The following NME7 variants were observed in gnomAD, a reference collection of about 807,000 sequenced individuals.
NME7 encodes NME/NM23 family member 7, also known as nucleoside diphosphate kinase 7.
A neutral mutation model predicts 49.1 loss-of-function variants in NME7; 41 were observed. The observed-to-expected ratio is 0.83, with a 90% CI of 0.65 to 1.08. NME7 has a LOEUF of 1.08. Ranked by LOEUF, NME7 falls within the 50% of genes least tolerant of loss-of-function variation. NME7 has a pLI of 0.00. For synonymous variants in NME7, 139 were observed against 150.6 expected, an observed-to-expected ratio of 0.92 and a Z score of 0.56; for missense variants, 423 against 463.4, an observed-to-expected ratio of 0.91 and a Z score of 0.80.
intron 9 of NME7, among the ~76,000 whole-genome samples, chr1:169,232,272 T>C (rs1423933199): frequency 1.3e-5 from 2 of 151,616 alleles, no homozygotes; most frequent in Non-Finnish European, 2.9e-5. Context: ...AAAATAAGCA[T>C]GGAGAGAAAG....
At chr1:169,208,382 G>C (rs928157287) in intron 10 of NME7, among the ~76,000 whole-genome samples, 1 of 152,074 alleles carries the variant, frequency 6.6e-6, no homozygotes, top group Non-Finnish European at 1.5e-5. Flanking sequence ...TTGGCTGACT[G>C]AATAAATGAA....
intron 6 of NME7, among the ~76,000 whole-genome samples, chr1:169,291,216 T>C (rs1251309909): frequency 1.3e-5 from 2 of 152,166 alleles, no homozygotes; most frequent in East Asian, 3.8e-4. Context: ...CACACGTATG[T>C]TTATTGCAGC....
At chr1:169,194,152 T>G (rs949386648) in intron 10 of NME7, among the ~76,000 whole-genome samples, 2 of 151,236 alleles carry the variant, frequency 1.3e-5, no homozygotes, top group African/African-American at 2.4e-5. Flanking sequence ...AACATAGAGA[T>G]TAAAAAAAGA....
chr1:169,352,647 T>C (rs1310449211), intron 1 of NME7, among the ~76,000 whole-genome samples: 1 of 152,122 alleles, frequency 6.6e-6, no homozygotes, highest in East Asian at 1.9e-4. Flanking sequence ...GCAGATGATA[T>C]GAGCTTACCT....
intron 7 of NME7, among the ~76,000 whole-genome samples, chr1:169,254,204 T>C (rs1648784604): frequency 1.3e-5 from 2 of 150,440 alleles, no homozygotes; most frequent in Admixed American, 6.6e-5. Flanking sequence ...GGACTCTTTT[T>C]GGTTGGTAAG....
intron 10 of NME7, among the ~76,000 whole-genome samples, chr1:169,192,747 T>C (rs1273710490): frequency 1.3e-5 from 2 of 152,164 alleles, no homozygotes; most frequent in Non-Finnish European, 2.9e-5. Context: ...TTAGTTATGG[T>C]AACTTGAAAA....
rs148306072 is a variant in NME7 at position 169,162,267 on chromosome 1, T to C, written c.1098+7180A>G. Among the ~76,000 whole-genome samples the C allele has an allele frequency of 6.5e-3, 986 of 152,334 alleles. 14 individuals are homozygous for C. The highest frequency in any genetic ancestry group is 0.022 in the African/African-American group (925 of 41,580). ...CTTCAATACCACAGTCTTGGTGAAC[T>C]GATTTTCTCTGTGCAGGGGGCAGGA... On this transcript the variant is annotated intron_variant, in intron 11 of 11. Coordinates refer to ENST00000367811, the MANE Select transcript of NME7 (RefSeq NM_013330.5).
intron 11 of NME7, among the ~76,000 whole-genome samples, chr1:169,140,912 C>A (rs571544391): frequency 6.6e-6 from 1 of 152,038 alleles, no homozygotes. Context: ...AGGTCCTAGA[C>A]GTCCACATTT....
At chr1:169,282,692 T>C (rs189433491) in intron 7 of NME7, among the ~76,000 whole-genome samples, 63 of 152,318 alleles carry the variant, frequency 4.1e-4, no homozygotes, top group African/African-American at 1.4e-3. Context: ...ATTTCTGCCT[T>C]TATTTTGTTA....
chr1:169,194,755 G>C (rs1660326557), intron 10 of NME7, among the ~76,000 whole-genome samples: 1 of 152,188 alleles, frequency 6.6e-6, no homozygotes, highest in African/African-American at 2.4e-5. Flanking sequence ...GCTAAGGCCA[G>C]AGAAGCAGGC....
intron 11 of NME7, among the ~76,000 whole-genome samples, chr1:169,143,963 T>C (rs1394620152): frequency 1.3e-5 from 2 of 152,150 alleles, no homozygotes; most frequent in Non-Finnish European, 2.9e-5. Context: ...CCACAACATT[T>C]TGCAAACAAT....
In NME7 at chr1:169,246,349, A is replaced by G. The variant is rs79653460; in HGVS notation, c.755-8662T>C. On this transcript the variant is annotated intron_variant, in intron 7 of 11. Coordinates refer to ENST00000367811, the MANE Select transcript of NME7 (RefSeq NM_013330.5). The stretch of plus-strand genomic sequence containing the variant: ...CAAAATAAATAAGAGTTTGGATTCC[A>G]CAGAATTGTTAAATTGGGAACCAGT... Among the ~76,000 whole-genome samples, 841 of 152,272 alleles carry G rather than the reference A, an allele frequency of 5.5e-3. 8 individuals carry two copies. The highest frequency in any genetic ancestry group is 0.019 in the African/African-American group (794 of 41,578).
intron 10 of NME7, among the ~76,000 whole-genome samples, chr1:169,178,137 C>T (rs1449859775): frequency 6.6e-6 from 1 of 152,168 alleles, no homozygotes; most frequent in East Asian, 1.9e-4. Context: ...CCGTGCCCAG[C>T]CTCTCCTCTT....
Position 169,273,112 on chromosome 1 carries a change from G to T in NME7, c.754+14191C>A, listed in dbSNP as rs1251301079. 2.2e-5 allele frequency among the ~76,000 whole-genome samples: 3 copies of T among 133,472 alleles called. 1 individual carries two copies. Among genetic ancestry groups the T allele is most frequent in the Non-Finnish European group, 5.3e-5 (3 of 56,836 alleles). 87.6% of individuals were successfully genotyped at this position (133,472 alleles called of 152,430 possible). On this transcript the variant is annotated intron_variant, in intron 7 of 11. Transcript: ENST00000367811. Reference sequence around the variant, plus strand: ...CTAAGTTACATGTGCAGAATGTGCAGTTTTGTTACATAGGTATACACGTGC... The same window carrying T: ...CTAAGTTACATGTGCAGAATGTGCATTTTTGTTACATAGGTATACACGTGC...
chr1:169,326,569 G>C (rs1652065577), intron 1 of NME7, among the ~76,000 whole-genome samples: 1 of 152,174 alleles, frequency 6.6e-6, no homozygotes, highest in African/African-American at 2.4e-5. Flanking sequence ...AGGTACAAAA[G>C]TGAGCTGAAA....
At position 169,274,529 on chromosome 1, in the gene NME7, G is replaced by A. The variant is rs150868956; in HGVS notation, c.754+12774C>T. ...CCATTGCTTTTGGTGTTTTAGACAT[G>A]AAGTCGTCGCCTATGCCTATGTCCT... On this transcript the variant is annotated intron_variant, in intron 7 of 11. Transcript: ENST00000367811. Among the ~76,000 whole-genome samples, 758 of 134,084 alleles carry A rather than the reference G, an allele frequency of 5.7e-3. 88 individuals are homozygous for A. The highest frequency in any genetic ancestry group is 0.018 in the African/African-American group (710 of 39,584). 88.0% of individuals were successfully genotyped at this position (134,084 alleles called of 152,430 possible).
chr1:169,167,049 C>A (rs1659435473), intron 11 of NME7, among the ~76,000 whole-genome samples: 1 of 151,988 alleles, frequency 6.6e-6, no homozygotes, highest in South Asian at 2.1e-4. Context: ...GTATAAATAA[C>A]CTACAATAAT....
intron 1 of NME7, 126 bp downstream of exon 1, chr1:169,367,582 G>T: frequency 1.9e-6 from 2 of 1,040,784 alleles, no homozygotes; most frequent in South Asian, 1.3e-5. Flanking sequence ...CGTGGGAAGG[G>T]GGAAAGAGAT....
At chr1:169,196,737 C>A (rs1660390744) in intron 10 of NME7, among the ~76,000 whole-genome samples, 1 of 152,168 alleles carries the variant, frequency 6.6e-6, no homozygotes. Flanking sequence ...GAGCAAATCA[C>A]TCAGCTAGTG....
Sources: gnomAD v4.1 joint callset for allele counts (sites outside exome capture counted in the v4.1 genomes callset) on GRCh38, gnomAD v4.1.1 for gene constraint, MANE v1.5 for transcripts, NCBI Gene and HGNC (gene_info 2026-07-23, HGNC 2026-07-21) for gene names.